MVK: variants seen among roughly 807,000 people sequenced by gnomAD.
MVK encodes mevalonate kinase, also known as LH receptor mRNA-binding protein.
Under a neutral mutation model 43.2 loss-of-function variants are expected in MVK, and 34 were observed. That is an observed-to-expected ratio of 0.79 (90% CI 0.60 to 1.05). MVK has a LOEUF of 1.05. Among genes scored for constraint, MVK ranks in the 50% least tolerant of loss-of-function variants. The pLI is 0.00. For missense variants in MVK, 395 were observed against 504.0 expected (o/e 0.78, Z 2.07); for synonymous variants, 190 against 219.8 (o/e 0.86, Z 1.20).
intron 2 of MVK, among the ~76,000 whole-genome samples, 186 bp downstream of exon 2, chr12:109,575,086 G>A (rs750008266): frequency 2.8e-4 from 43 of 152,250 alleles, no homozygotes; most frequent in Non-Finnish European, 4.9e-4. Flanking sequence ...CGCTCGGTAT[G>A]ATAGCAAAAA....
intron 1 of MVK, 63 bp downstream of exon 1, chr12:109,573,936 C>T (rs1884792256): frequency 6.3e-6 from 1 of 159,252 alleles, no homozygotes; most frequent in Non-Finnish European, 1.4e-5. Flanking sequence ...GACGCTGAGC[C>T]AGGCGTCCAG....
intron 9 of MVK, among the ~76,000 whole-genome samples, chr12:109,593,877 G>A (rs554077424): frequency 6.6e-6 from 1 of 151,586 alleles, no homozygotes; most frequent in South Asian, 2.1e-4. Flanking sequence ...GCCAACATAC[G>A]TGGCTGATTT....
intron 5 of MVK, among the ~76,000 whole-genome samples, chr12:109,581,801 T>A (rs1885230134): frequency 6.6e-6 from 1 of 152,126 alleles, no homozygotes; most frequent in Non-Finnish European, 1.5e-5. Flanking sequence ...CTCACCCCCA[T>A]CTTGGCTCTG....
chr12:109,581,508 A>G lies in MVK; in HGVS notation c.485A>G (p.Glu162Gly). The change falls in exon 5 of 11, where the codon GAG (glutamate) becomes GGG (glycine). Residue 162 changes from glutamate (E) to glycine (G), a missense_variant. Coordinates refer to ENST00000228510, the MANE Select transcript of MVK (RefSeq NM_000431.4). ...CLAAALLTVC[E>G]EIPNPLKDGD... Reference sequence around the variant, plus strand: ...GCAGCAGCCCTCCTGACTGTGTGCGAGGAGATCCCAAACCCGCTGAAGGAC... The same window carrying G: ...GCAGCAGCCCTCCTGACTGTGTGCGGGGAGATCCCAAACCCGCTGAAGGAC... The G allele has an allele frequency of 6.2e-7, 1 of 1,614,160 alleles. No homozygotes were observed. The highest frequency in any genetic ancestry group is 8.5e-7 in the Non-Finnish European group (1 of 1,180,024).
rs104895298 is a variant in MVK at position 109,581,465 on chromosome 12, G to A, written c.442G>A (p.Ala148Thr). 8.1e-6 allele frequency: 13 copies of A among 1,614,064 alleles called. No homozygotes were observed. In the African/African-American group the frequency reaches 9.3e-5, roughly 12 times the overall value. ...PPGAGLGSSA[A>T]YSVCLAAALL... ...CGGGGCGGGCTTGGGCTCCAGCGCC[G>A]CCTACTCGGTGTGTCTGGCAGCAGC... Residue 148 changes from alanine (A) to threonine (T), a missense_variant, in exon 5 of 11, where the codon GCC (alanine) becomes ACC (threonine). Physicochemically the swap from Ala to Thr is moderately conservative, Grantham distance 58. Transcript: ENST00000228510.
In MVK at chr12:109,586,787, C is replaced by T; in HGVS notation, c.665C>T (p.Ser222Leu). 1.2e-6 allele frequency: 2 copies of T among 1,614,188 alleles called. No individual in the cohort carries two copies. Among genetic ancestry groups the T allele is most frequent in the East Asian group, 2.2e-5 (1 of 44,888 alleles). ...GALRYHQGKI[S>L]SLKRSPALQI... ...CTCCGATACCATCAAGGGAAGATTT[C>T]ATCCTTAAAGAGGTAACCTGGGGGT... The change falls in exon 7 of 11, where the codon TCA (serine) becomes TTA (leucine). Residue 222 changes from serine to leucine, a missense_variant. Ser to Leu is a moderately radical substitution (Grantham distance 145). Transcript: ENST00000228510.
rs886048934 is a variant in MVK, at chr12:109,596,549, G to A, written c.1163G>A (p.Arg388Gln). The change falls in exon 11 of 11, where the codon CGA (arginine) becomes CAA (glutamine). Residue 388 changes from arginine (R) to glutamine (Q), a missense_variant. Arg to Gln is a conservative substitution (Grantham distance 43, BLOSUM62 1). Coordinates refer to ENST00000228510, the MANE Select transcript of MVK (RefSeq NM_000431.4). ...SIHSATSLDSRVQQALDGL is the reference protein window; with the variant it reads ...SIHSATSLDSQVQQALDGL ...CACTCAGCCACCTCCCTGGACAGCC[G>A]AGTCCAGCAAGCCCTGGATGGCCTC... The A allele has an allele frequency of 6.8e-6, 11 of 1,611,328 alleles. No individual in the cohort carries two copies. The highest frequency in any genetic ancestry group is 4.5e-5 in the East Asian group (2 of 44,896).
intron 7 of MVK, chr12:109,589,552 G>C (rs911927792): frequency 6.7e-6 from 1 of 149,590 alleles, no homozygotes; most frequent in Non-Finnish European, 1.5e-5. Flanking sequence ...GAAGGGAAGA[G>C]AAAAGCCAAA....
intron 6 of MVK, among the ~76,000 whole-genome samples, 160 bp downstream of exon 6, chr12:109,586,285 G>C (rs1169148910): frequency 6.6e-6 from 1 of 152,172 alleles, no homozygotes; most frequent in African/African-American, 2.4e-5. Flanking sequence ...AGAAATCTTG[G>C]GGCCCTGTCT....
intron 4 of MVK, among the ~76,000 whole-genome samples, chr12:109,580,995 C>A (rs1265109379): frequency 2.6e-5 from 4 of 151,918 alleles, no homozygotes; most frequent in African/African-American, 9.7e-5. Context: ...TTGATAAGGC[C>A]TTGAGAGATG....
chr12:109,594,247 G>A (rs899387823), intron 9 of MVK, among the ~76,000 whole-genome samples: 1 of 152,144 alleles, frequency 6.6e-6, no homozygotes, highest in African/African-American at 2.4e-5. Flanking sequence ...CTAACTACTG[G>A]GTGCCTGGGC....
At chr12:109,580,058 C>A in intron 4 of MVK, 112 bp downstream of exon 4, 1 of 1,495,814 alleles carries the variant, frequency 6.7e-7, no homozygotes, top group Non-Finnish European at 9.2e-7. Context: ...GAGCAGCAGC[C>A]ATTGGCTGTC....
chr12:109,597,877 TA>T lies in MVK; in HGVS notation c.*1301del, dbSNP rs763006962. The T allele has an allele frequency of 2.0e-5, 3 of 152,136 alleles. No individual in the cohort carries two copies. Among genetic ancestry groups the T allele is most frequent in the Non-Finnish European group, 4.4e-5 (3 of 68,046 alleles). The allele number at this position is 152,136 out of a possible 1,614,324, so 9.4% of individuals were successfully genotyped here. A position where few individuals can be genotyped will look rare whatever the true frequency, so the allele number is the denominator to read the frequency against. On this transcript the variant is annotated 3_prime_UTR_variant, in exon 11 of 11. Transcript: ENST00000228510. ...TCAGTGCGCGTCTGCCCTTGGCCAC[TA>T]GGGGGCAGCTGGCGGCCTTCCCTGC...
rs1436177815 is a variant in MVK at position 109,577,770 on chromosome 12, TA to T, written c.226+1626del. ...TCTTATTGGGAGTTGGTAGTGGTGG[TA>T]GGAGTTTTTGAAAGGGGTTCCTTGG... On this transcript the variant is annotated intron_variant, in intron 3 of 10. Transcript: ENST00000228510. 2.8e-4 allele frequency among the ~76,000 whole-genome samples: 42 copies of T among 152,284 alleles called. 1 individual carries two copies. The highest frequency in any genetic ancestry group is 9.6e-4 in the African/African-American group (40 of 41,546).
At chr12:109,578,428 G>A (rs1211100413) in intron 3 of MVK, among the ~76,000 whole-genome samples, 1 of 135,912 alleles carries the variant, frequency 7.4e-6, no homozygotes, top group Non-Finnish European at 1.6e-5. Flanking sequence ...GCACTTACGT[G>A]TGCCAGGCAC....
intron 7 of MVK, chr12:109,589,800 C>G (rs1043735472): frequency 6.6e-6 from 1 of 152,312 alleles, no homozygotes; most frequent in Non-Finnish European, 1.5e-5. Flanking sequence ...CACCTTCCAT[C>G]CCAGCCTGCA....
intron 5 of MVK, among the ~76,000 whole-genome samples, chr12:109,584,821 G>A (rs1286988373): frequency 1.3e-5 from 2 of 152,192 alleles, no homozygotes; most frequent in Non-Finnish European, 2.9e-5. Context: ...GGAGGCAGAG[G>A]TTGCAGTGAG....
chr12:109,587,635 T>C (rs1885495659), intron 7 of MVK, among the ~76,000 whole-genome samples: 2 of 152,254 alleles, frequency 1.3e-5, no homozygotes, highest in Non-Finnish European at 2.9e-5. Flanking sequence ...CTCTCCTCTT[T>C]ACTCAGGGCG....
Position 109,597,968 on chromosome 12 carries a change from C to G in MVK, c.*1391C>G, listed in dbSNP as rs4766480. On this transcript the variant is annotated 3_prime_UTR_variant, in exon 11 of 11. Coordinates refer to ENST00000228510, the MANE Select transcript of MVK (RefSeq NM_000431.4). ...TCCACCCCCACGCCAGCCTTGGGCC[C>G]GGCCTGGGATCACTGCTGGGAACGT... is the stretch of plus-strand genomic sequence containing the variant. The G allele has an allele frequency of 0.16, 24,833 of 152,240 alleles. 2,106 individuals carry two copies. Among genetic ancestry groups the G allele is most frequent in the Middle Eastern group, 0.18 (52 of 294 alleles). 9.4% of individuals were successfully genotyped at this position (152,240 alleles called of 1,614,324 possible).
Sources: allele counts gnomAD v4.1 joint callset (sites outside exome capture counted in the v4.1 genomes callset), GRCh38; gene constraint gnomAD v4.1.1; transcripts MANE v1.5; gene names NCBI Gene and HGNC (gene_info 2026-07-23, HGNC 2026-07-21).